CTSK: variants seen among roughly 807,000 people sequenced by gnomAD.
CTSK encodes the protein cathepsin K, also known as cathepsin O.
A neutral mutation model predicts 40.5 loss-of-function variants in CTSK; 26 were observed. That is an observed-to-expected ratio of 0.64 (90% CI 0.47 to 0.89). The LOEUF is 0.89. Ranked by LOEUF, CTSK falls within the 40% of genes least tolerant of loss-of-function variation. The pLI, the probability that CTSK is intolerant of heterozygous loss-of-function variation, is 0.00. For missense variants in CTSK, 292 were observed against 400.1 expected (o/e 0.73, Z 2.30); for synonymous variants, 132 against 143.2 (o/e 0.92, Z 0.56).
intron 4 of CTSK, among the ~76,000 whole-genome samples, chr1:150,805,344 A>G (rs1178555005): frequency 3.3e-5 from 5 of 151,976 alleles, no homozygotes; most frequent in African/African-American, 1.2e-4. Flanking sequence ...TTGCAACACT[A>G]TTTGTAATAA....
chr1:150,804,580 A>G (rs1244102084), intron 4 of CTSK, among the ~76,000 whole-genome samples: 2 of 152,234 alleles, frequency 1.3e-5, no homozygotes, highest in Non-Finnish European at 2.9e-5. Flanking sequence ...AAATATTGTT[A>G]TAAGGATTAA....
intron 7 of CTSK, among the ~76,000 whole-genome samples, chr1:150,797,594 T>A (rs1223500544): frequency 6.6e-6 from 1 of 152,200 alleles, no homozygotes; most frequent in African/African-American, 2.4e-5. Flanking sequence ...AGAGACGACG[T>A]GAGAAAGAGG....
chr1:150,802,531 A>C (rs1242527834), intron 5 of CTSK, among the ~76,000 whole-genome samples: 1 of 152,114 alleles, frequency 6.6e-6, no homozygotes, highest in Non-Finnish European at 1.5e-5. Context: ...TTGTCCTCCC[A>C]ACCAGCCTCC....
rs368385534 is a variant in CTSK, at chr1:150,799,722, A to G, written c.619-13T>C. 29 of 1,613,534 alleles carry G rather than the reference A, an allele frequency of 1.8e-5. No homozygotes were observed. Among genetic ancestry groups the G allele is most frequent in the Admixed American group, 1.3e-4 (8 of 60,002 alleles). On this transcript the variant is annotated splice_polypyrimidine_tract_variant and intron_variant, in intron 5 of 7. Coordinates refer to ENST00000271651, the MANE Select transcript of CTSK (RefSeq NM_000396.4). The stretch of plus-strand genomic sequence containing the variant: ...TACAACTCTCTTCCTGGAAGAAACA[A>G]GATTGTAATAGGACTAGGACAAAGC...
chr1:150,796,856 A>G lies in CTSK; in HGVS notation c.933T>C (p.Ala311=). 1 of 1,614,122 alleles carries G rather than the reference A, an allele frequency of 6.2e-7. No homozygotes were observed. Among genetic ancestry groups the G allele is most frequent in the Non-Finnish European group, 8.5e-7 (1 of 1,180,016 alleles). ...TGCCACAGGCGTTGTTCTTATTTCG[A>G]GCCATGAGGATATATCCTTTGTTTC... is the stretch of plus-strand genomic sequence containing the variant. ...NWGNKGYILM[A]RNKNNACGIA... is the part of the protein sequence containing the mutation. The change falls in exon 8 of 8, where the codon GCT becomes GCC. Residue 311 remains alanine, a synonymous_variant. Coordinates refer to ENST00000271651, the MANE Select transcript of CTSK (RefSeq NM_000396.4).
intron 7 of CTSK, among the ~76,000 whole-genome samples, chr1:150,797,716 C>G (rs587729887): frequency 2.0e-5 from 3 of 152,306 alleles, no homozygotes; most frequent in South Asian, 4.1e-4. Flanking sequence ...TACCCTCCCC[C>G]ACTCTCCCCT....
chr1:150,805,821 T>C (rs201274159), intron 4 of CTSK, 40 bp downstream of exon 4: 1 of 1,611,014 alleles, frequency 6.2e-7, no homozygotes, highest in Non-Finnish European at 8.5e-7. Context: ...GAAAAGGTCA[T>C]GCCAGATTAC....
chr1:150,807,588 T>A (rs1654135044), intron 1 of CTSK, among the ~76,000 whole-genome samples: 1 of 152,194 alleles, frequency 6.6e-6, no homozygotes, highest in Non-Finnish European at 1.5e-5. Flanking sequence ...TAGAAGAATG[T>A]TCAGACTGAA....
chr1:150,807,416 C>T (rs1298085119), intron 1 of CTSK: 1 of 469,796 alleles, frequency 2.1e-6, no homozygotes, highest in Non-Finnish European at 4.4e-6. Flanking sequence ...CCTCATTCTC[C>T]TTATGCATTT....
chr1:150,804,518 T>G (rs1423712811), intron 4 of CTSK, among the ~76,000 whole-genome samples: 1 of 152,244 alleles, frequency 6.6e-6, no homozygotes, highest in Non-Finnish European at 1.5e-5. Flanking sequence ...AGTAGCTATG[T>G]GACCCCGGGT....
At chr1:150,799,846 G>T (rs1431303202) in intron 5 of CTSK, 137 bp from the exon 6 acceptor site, 3 of 861,882 alleles carry the variant, frequency 3.5e-6, no homozygotes, top group Non-Finnish European at 5.8e-6. Context: ...GAGAGGGTCT[G>T]TTCTTCCTCA....
chr1:150,805,209 C>CA (rs587691920), intron 4 of CTSK, among the ~76,000 whole-genome samples: 4,799 of 54,300 alleles, frequency 0.088, 475 homozygotes, highest in African/African-American at 0.27. Flanking sequence ...GACGCTGTCT[C>CA]AAAAAAAAAA....
At chr1:150,802,240 T>C (rs1571125227) in intron 5 of CTSK, among the ~76,000 whole-genome samples, 1 of 143,986 alleles carries the variant, frequency 6.9e-6, no homozygotes, top group South Asian at 2.2e-4. Context: ...ATCGCGCCAC[T>C]GCACTCAAGC....
Position 150,804,003 on chromosome 1 carries a change from T to G in CTSK, c.618+18A>C, listed in dbSNP as rs201686110. The stretch of plus-strand genomic sequence containing the variant: ...GGAGGAGCCAACAGAGCTGTATAAT[T>G]GTGTGGAGCAATCTCACCTGTCCCA... On this transcript the variant is annotated intron_variant, in intron 5 of 7. Coordinates refer to ENST00000271651, the MANE Select transcript of CTSK (RefSeq NM_000396.4). The G allele has an allele frequency of 7.5e-6, 12 of 1,600,686 alleles. No individual in the cohort carries two copies. The highest frequency in any genetic ancestry group is 1.0e-5 in the Non-Finnish European group (12 of 1,168,070).
intron 7 of CTSK, 89 bp from the exon 8 acceptor site, chr1:150,796,987 T>C (rs1653887802): frequency 4.4e-6 from 4 of 914,138 alleles, no homozygotes; most frequent in Non-Finnish European, 7.2e-6. Context: ...GTACTGATGG[T>C]ACACAAAAAT....
chr1:150,806,760 G>A lies in CTSK; in HGVS notation c.46C>T (p.Leu16=). ...VLLLPVVSFA[L]YPEEILDTHW... Reference sequence around the variant, plus strand: ...GTGTCCAGTATCTCCTCAGGGTACAGAGCAAAGCTCACCACAGGTAGCAGC... The same window carrying A: ...GTGTCCAGTATCTCCTCAGGGTACAAAGCAAAGCTCACCACAGGTAGCAGC... The change falls in exon 2 of 8, where the codon CTG becomes TTG. Residue 16 remains leucine (L), a synonymous_variant. Transcript: ENST00000271651. The A allele has an allele frequency of 1.2e-6, 2 of 1,614,058 alleles. No homozygotes were observed. Among genetic ancestry groups the A allele is most frequent in the Non-Finnish European group, 1.7e-6 (2 of 1,180,016 alleles).
chr1:150,800,693 C>T (rs183004685), intron 5 of CTSK: 30 of 192,462 alleles, frequency 1.6e-4, no homozygotes, highest in African/African-American at 7.0e-4. Flanking sequence ...TTATCTACTA[C>T]TCAGCAGGCT....
At position 150,801,828 on chromosome 1, in the gene CTSK, C is replaced by T. The variant is rs185579958; in HGVS notation, c.619-2119G>A. 6.9e-4 allele frequency among the ~76,000 whole-genome samples: 105 copies of T among 151,958 alleles called. 1 individual carries two copies. The East Asian group carries it at 9.3e-3, about 13-fold the overall frequency. ...TGCTGGGATTACAAGCGTGAGCCACCGCGCCAGGCCTATTAAAATTAACTT... is the reference window on the plus strand; with the variant it reads ...TGCTGGGATTACAAGCGTGAGCCACTGCGCCAGGCCTATTAAAATTAACTT... On this transcript the variant is annotated intron_variant, in intron 5 of 7. Transcript: ENST00000271651.
Position 150,807,710 on chromosome 1 carries a change from A to G in CTSK, c.-2+504T>C, listed in dbSNP as rs138520950. ...ATTACAAATCCTCCATTTTAAGAAC[A>G]ATTTGCAGCCTGCAGCATGACATAT... is the stretch of plus-strand genomic sequence containing the variant. On this transcript the variant is annotated intron_variant, in intron 1 of 7. Coordinates refer to ENST00000271651, the MANE Select transcript of CTSK (RefSeq NM_000396.4). 9.8e-4 allele frequency among the ~76,000 whole-genome samples: 149 copies of G among 152,316 alleles called. 1 individual carries two copies. Among genetic ancestry groups the G allele is most frequent in the Non-Finnish European group, 1.1e-3 (77 of 68,014 alleles).
Sources: allele counts gnomAD v4.1 joint callset (sites outside exome capture counted in the v4.1 genomes callset), GRCh38; gene constraint gnomAD v4.1.1; transcripts MANE v1.5; gene names NCBI Gene and HGNC (gene_info 2026-07-23, HGNC 2026-07-21).